The following SMAD3 variants were observed in gnomAD, a reference collection of about 807,000 sequenced individuals.
SMAD3 encodes the protein MAD homolog 3.
Under a neutral mutation model 51.8 loss-of-function variants are expected in SMAD3, and 12 were observed. That is an observed-to-expected ratio of 0.23 (90% CI 0.15 to 0.38). The LOEUF is 0.38. Among genes scored for constraint, SMAD3 ranks in the 10% least tolerant of loss-of-function variants. The probability of loss-of-function intolerance (pLI) is 1.00; values close to 1 mark genes in which losing one functional copy is unlikely to be tolerated. For synonymous variants in SMAD3, 238 were observed against 227.7 expected, an observed-to-expected ratio of 1.05 and a Z score of -0.41; for missense variants, 294 against 565.6, an observed-to-expected ratio of 0.52 and a Z score of 4.87.
At chr15:67,081,263 T>C (rs935911252) in intron 1 of SMAD3, among the ~76,000 whole-genome samples, 2 of 152,140 alleles carry the variant, frequency 1.3e-5, no homozygotes, top group African/African-American at 4.8e-5. Flanking sequence ...CATCAGATAG[T>C]CATCGTGGGA....
intron 1 of SMAD3, among the ~76,000 whole-genome samples, chr15:67,140,403 A>G (rs186186156): frequency 5.9e-5 from 9 of 152,220 alleles, no homozygotes; most frequent in African/African-American, 2.2e-4. Flanking sequence ...TCTTTTTTCT[A>G]ACTTCTCTTT....
chr15:67,082,475 T>G (rs950065693), intron 1 of SMAD3, among the ~76,000 whole-genome samples: 5 of 152,248 alleles, frequency 3.3e-5, no homozygotes, highest in Non-Finnish European at 1.5e-5. Context: ...TTCTAAAGTT[T>G]CTCACTGTGT....
chr15:67,181,471 TCCCC>T lies in SMAD3; in HGVS notation c.871+19_871+22del. 14 of 1,520,920 alleles carry T rather than the reference TCCCC, an allele frequency of 9.2e-6. No individual in the cohort carries two copies. Among genetic ancestry groups the T allele is most frequent in the Middle Eastern group, 2.3e-4 (1 of 4,410 alleles). 94.2% of individuals were successfully genotyped at this position (1,520,920 alleles called of 1,614,324 possible). ...ACACATCGGTATGGGGTGGCTCCAT[TCCCC>T]GCCCCCCCACCCTGCCCCTGCCACT... On this transcript the variant is annotated intron_variant, in intron 6 of 8. Coordinates refer to ENST00000327367, the MANE Select transcript of SMAD3 (RefSeq NM_005902.4).
At chr15:67,164,797 G>C in intron 1 of SMAD3, 98 bp from the exon 2 acceptor site, 1 of 1,253,370 alleles carries the variant, frequency 8.0e-7, no homozygotes, top group East Asian at 2.3e-5. Context: ...TGAGGGGAGA[G>C]AGAGCTTTCC....
chr15:67,190,090 G>A (rs1244904757), intron 8 of SMAD3, among the ~76,000 whole-genome samples: 4 of 152,022 alleles, frequency 2.6e-5, no homozygotes, highest in Non-Finnish European at 5.9e-5. Context: ...CTATTAGGGG[G>A]CCTGTTACAG....
intron 1 of SMAD3, among the ~76,000 whole-genome samples, chr15:67,076,105 C>T (rs926124506): frequency 1.3e-5 from 2 of 152,144 alleles, no homozygotes; most frequent in Non-Finnish European, 1.5e-5. Flanking sequence ...AGAGCATTCT[C>T]CTTTGGAGAG....
At position 67,094,149 on chromosome 15, in the gene SMAD3, G is replaced by A. The variant is rs182619493; in HGVS notation, c.206+27789G>A. Among the ~76,000 whole-genome samples the A allele has an allele frequency of 7.2e-5, 11 of 152,316 alleles. No individual in the cohort carries two copies. The East Asian group carries it at 1.9e-3, about 27-fold the overall frequency. On this transcript the variant is annotated intron_variant, in intron 1 of 8. Transcript: ENST00000327367. ...GACCACCTGAGGCCTGCGTGGGGTG[G>A]CCTGTGGTGTGAGGGACCCAGGAAG...
Position 67,194,523 on chromosome 15 carries a change from ATACTC to A in SMAD3, c.*3990_*3994del, listed in dbSNP as rs563622482. 1.2e-3 allele frequency: 280 copies of A among 232,912 alleles called. No homozygotes were observed. Among genetic ancestry groups the A allele is most frequent in the African/African-American group, 5.8e-3 (262 of 45,452 alleles). The allele number at this position is 232,912 out of a possible 1,614,324, so 14.4% of individuals were successfully genotyped here. On this transcript the variant is annotated 3_prime_UTR_variant, in exon 9 of 9. Transcript: ENST00000327367. ...TTTTTTTTTAATGCAGAAGTAATGTATACTCTAGTATTCTGGTGTTTTTATATTTA... is the reference window on the plus strand; with the variant it reads ...TTTTTTTTTAATGCAGAAGTAATGTATAGTATTCTGGTGTTTTTATATTTA...
chr15:67,164,626 A>G (rs1165238845), intron 1 of SMAD3, among the ~76,000 whole-genome samples: 1 of 152,190 alleles, frequency 6.6e-6, no homozygotes, highest in East Asian at 1.9e-4. Context: ...CACTCCCTGA[A>G]GAGCAGTACA....
At chr15:67,153,382 C>T (rs1035835531) in intron 1 of SMAD3, among the ~76,000 whole-genome samples, 4 of 151,324 alleles carry the variant, frequency 2.6e-5, no homozygotes, top group Admixed American at 1.3e-4. Context: ...ATCCCAGCTA[C>T]GCAGAAGGCT....
At chr15:67,108,143 C>T (rs1026924622) in intron 1 of SMAD3, among the ~76,000 whole-genome samples, 12 of 152,172 alleles carry the variant, frequency 7.9e-5, no homozygotes, top group Non-Finnish European at 8.8e-5. Context: ...TCTCACTTGG[C>T]CTTGCCCTCG....
intron 1 of SMAD3, among the ~76,000 whole-genome samples, chr15:67,072,741 T>G (rs1482332176): frequency 6.6e-6 from 1 of 152,194 alleles, no homozygotes; most frequent in Non-Finnish European, 1.5e-5. Flanking sequence ...GGTATGACCT[T>G]CTGTTGGCCT....
intron 1 of SMAD3, among the ~76,000 whole-genome samples, chr15:67,081,598 A>G (rs951812761): frequency 6.6e-6 from 1 of 152,232 alleles, no homozygotes; most frequent in African/African-American, 2.4e-5. Context: ...GTCAGGCATC[A>G]GAAGGTCTCA....
chr15:67,095,931 C>T (rs1960606026), intron 1 of SMAD3, among the ~76,000 whole-genome samples: 2 of 152,210 alleles, frequency 1.3e-5, no homozygotes, highest in Admixed American at 6.5e-5. Flanking sequence ...GAGCCTTCTG[C>T]CCCATTCACA....
chr15:67,160,920 C>T lies in SMAD3; in HGVS notation c.207-3975C>T, dbSNP rs2140288610. ...TTAGTTAGTGCTTGCCTTTTTATTC[C>T]TTTAACAGTGTCTTTCAAAGACCAG... On this transcript the variant is annotated intron_variant, in intron 1 of 8. Coordinates refer to ENST00000327367, the MANE Select transcript of SMAD3 (RefSeq NM_005902.4). 2.0e-5 allele frequency among the ~76,000 whole-genome samples: 3 copies of T among 150,526 alleles called. No homozygotes were observed. The East Asian group carries it at 5.8e-4, about 29-fold the overall frequency.
intron 1 of SMAD3, among the ~76,000 whole-genome samples, chr15:67,105,285 G>A (rs1223984820): frequency 5.3e-5 from 8 of 152,178 alleles, no homozygotes; most frequent in African/African-American, 1.9e-4. Context: ...CAGGGAGGGA[G>A]TAGCTGCCTC....
At chr15:67,137,737 T>A (rs1398631249) in intron 1 of SMAD3, among the ~76,000 whole-genome samples, 1 of 152,232 alleles carries the variant, frequency 6.6e-6, no homozygotes, top group Non-Finnish European at 1.5e-5. Context: ...CAGCTTTGTT[T>A]GGGGTGCATC....
chr15:67,114,914 A>G (rs56118922), intron 1 of SMAD3, among the ~76,000 whole-genome samples: 16,571 of 152,250 alleles, frequency 0.11, 936 homozygotes, highest in Middle Eastern at 0.14. Flanking sequence ...GCCTTGTAAT[A>G]TGCCACACAT....
chr15:67,102,173 A>G (rs1595899882), intron 1 of SMAD3, among the ~76,000 whole-genome samples: 2 of 151,932 alleles, frequency 1.3e-5, no homozygotes, highest in Admixed American at 1.3e-4. Flanking sequence ...AATGAGGATA[A>G]TTGACCCAGT....
Sources: gnomAD v4.1 joint callset for allele counts (sites outside exome capture counted in the v4.1 genomes callset) on GRCh38, gnomAD v4.1.1 for gene constraint, MANE v1.5 for transcripts, NCBI Gene and HGNC (gene_info 2026-07-23, HGNC 2026-07-21) for gene names.